The following TNFRSF19 variants were observed in gnomAD, a reference collection of about 807,000 sequenced individuals.
The protein encoded by TNFRSF19 is tumor necrosis factor receptor superfamily member 19.
Under a neutral mutation model 46.4 loss-of-function variants are expected in TNFRSF19, and 27 were observed. The observed-to-expected ratio is 0.58, with a 90% confidence interval of 0.43 to 0.80. The LOEUF (loss-of-function observed/expected upper bound fraction) is 0.80, where lower values mean the gene tolerates loss of function less well. Ranked by LOEUF, TNFRSF19 falls within the 30% of genes least tolerant of loss-of-function variation. The pLI is 0.00. For missense variants in TNFRSF19, 511 were observed against 530.8 expected, an observed-to-expected ratio of 0.96 and a Z score of 0.37; for synonymous variants, 204 against 205.0, an observed-to-expected ratio of 1.00 and a Z score of 0.04.
rs143756933 is a variant in TNFRSF19 at position 23,571,540 on chromosome 13, A to T, written c.-35+692A>T. Among the ~76,000 whole-genome samples the T allele has an allele frequency of 8.5e-4, 129 of 152,330 alleles. 2 individuals carry two copies. In the East Asian group the frequency reaches 0.021, roughly 25 times the overall value. On this transcript the variant is annotated intron_variant, in intron 1 of 9. Transcript: ENST00000248484. ...ATAAGCCTTATTTACAGAAACATTC[A>T]CAAGGTTAATATTCCTAAATTAACA...
intron 2 of TNFRSF19, among the ~76,000 whole-genome samples, chr13:23,591,969 C>T (rs1879342169): frequency 6.6e-6 from 1 of 152,056 alleles, no homozygotes; most frequent in Non-Finnish European, 1.5e-5. Flanking sequence ...TCGTGATCTG[C>T]CCACCTGGGC....
chr13:23,584,634 A>G (rs975941301), intron 1 of TNFRSF19, among the ~76,000 whole-genome samples: 40 of 151,948 alleles, frequency 2.6e-4, no homozygotes, highest in Non-Finnish European at 5.0e-4. Context: ...ATTTAAAAAA[A>G]AAAAAAAAAA....
chr13:23,642,062 A>G (rs577089808), intron 5 of TNFRSF19, among the ~76,000 whole-genome samples: 2 of 152,346 alleles, frequency 1.3e-5, no homozygotes, highest in East Asian at 1.9e-4. Flanking sequence ...AAGTCAGCAA[A>G]TCTTAGATTG....
intron 3 of TNFRSF19, among the ~76,000 whole-genome samples, chr13:23,604,431 T>G (rs767351709): frequency 3.3e-5 from 5 of 152,144 alleles, no homozygotes; most frequent in Non-Finnish European, 7.4e-5. Context: ...TCAGTGTTTC[T>G]CAACTTGATT....
intron 1 of TNFRSF19, among the ~76,000 whole-genome samples, chr13:23,579,009 C>G (rs3814789): frequency 0.095 from 14,393 of 152,300 alleles, 716 homozygotes; most frequent in East Asian, 0.17. Flanking sequence ...TCCCCTCTGG[C>G]TGGGATGCGG....
At chr13:23,580,338 AAC>A (rs1345796745) in intron 1 of TNFRSF19, among the ~76,000 whole-genome samples, 1 of 152,220 alleles carries the variant, frequency 6.6e-6, no homozygotes, top group African/African-American at 2.4e-5. Flanking sequence ...TTTTAACTGA[AAC>A]AGTTTAACCC....
At chr13:23,580,008 G>A (rs1009470854) in intron 1 of TNFRSF19, among the ~76,000 whole-genome samples, 1 of 152,190 alleles carries the variant, frequency 6.6e-6, no homozygotes, top group Non-Finnish European at 1.5e-5. Context: ...AGCGGCCCAG[G>A]GTATATTCCT....
chr13:23,610,047 T>C (rs969829328), intron 3 of TNFRSF19, among the ~76,000 whole-genome samples: 1 of 152,246 alleles, frequency 6.6e-6, no homozygotes, highest in South Asian at 2.1e-4. Flanking sequence ...TAATTTGTCA[T>C]TTGCATTTGC....
rs1169728703 is a variant in TNFRSF19 at position 23,675,679 on chromosome 13, C to T, written c.*2299C>T. On this transcript the variant is annotated 3_prime_UTR_variant, in exon 10 of 10. Transcript: ENST00000248484. ...ATCCCATAGCACTCAATAAACTCAGCTGCTAGAGTGCCGATGTCAGGAGGG... is the reference window on the plus strand; with the variant it reads ...ATCCCATAGCACTCAATAAACTCAGTTGCTAGAGTGCCGATGTCAGGAGGG... The T allele has an allele frequency of 6.6e-6, 1 of 152,198 alleles. No homozygotes were observed. The highest frequency in any genetic ancestry group is 2.4e-5 in the African/African-American group (1 of 41,452). The allele number at this position is 152,198 out of a possible 1,614,324, so 9.4% of individuals were successfully genotyped here.
At chr13:23,653,224 C>T (rs1402315137) in intron 5 of TNFRSF19, among the ~76,000 whole-genome samples, 1 of 152,198 alleles carries the variant, frequency 6.6e-6, no homozygotes, top group Non-Finnish European at 1.5e-5. Context: ...AGCTGACCCA[C>T]ACATAACCCA....
chr13:23,598,054 C>G (rs184034316), intron 3 of TNFRSF19, among the ~76,000 whole-genome samples: 3 of 152,224 alleles, frequency 2.0e-5, no homozygotes, highest in Admixed American at 2.0e-4. Context: ...CCCCGTCATG[C>G]TAAAAACTCT....
Position 23,659,158 on chromosome 13 carries a change from T to G in TNFRSF19, c.554T>G (p.Leu185Arg), listed in dbSNP as rs1389201945. The stretch of plus-strand genomic sequence containing the variant: ...GCTCTGGCCACCGTCCTGCTGGCCC[T>G]GCTCATCCTCTGTGTCATCTATTGT... Reference protein sequence around the residue: ...CSALATVLLALLILCVIYCKR... With the variant: ...CSALATVLLARLILCVIYCKR... Residue 185 changes from leucine (L) to arginine (R), a missense_variant, in exon 6 of 10, where the codon CTG becomes CGG. By Grantham distance (102) the Leu-to-Arg change is moderately radical (BLOSUM62 -2). Coordinates refer to ENST00000248484, the MANE Select transcript of TNFRSF19 (RefSeq NM_148957.4). This position sits in a 1 kb window ranked among gnomAD's most constrained non-coding sequence, Gnocchi z 4.9. 6.2e-7 allele frequency: 1 copy of G among 1,614,210 alleles called. No homozygotes were observed.
chr13:23,596,906 C>T (rs914261570), intron 3 of TNFRSF19, among the ~76,000 whole-genome samples: 24 of 152,172 alleles, frequency 1.6e-4, no homozygotes, highest in African/African-American at 2.2e-4. Flanking sequence ...GTCTCTCAGA[C>T]CACAGTGCAA....
rs553593953 is a variant in TNFRSF19, at chr13:23,658,904, A to AG, written c.446-141dup. The AG allele has an allele frequency of 2.3e-4, 221 of 944,310 alleles. No homozygotes were observed. In the South Asian group the frequency reaches 3.2e-3, roughly 14 times the overall value. The allele number at this position is 944,310 out of a possible 1,614,324, so 58.5% of individuals were successfully genotyped here. A position where few individuals can be genotyped will look rare whatever the true frequency, so the allele number is the denominator to read the frequency against. On this transcript the variant is annotated intron_variant, in intron 5 of 9. Transcript: ENST00000248484. ...CCCATTAAAGACATCTTCTGGGTGGAGGGGGTGCTTGAGCCATCTTTAAAT... is the reference window on the plus strand; with the variant it reads ...CCCATTAAAGACATCTTCTGGGTGGAGGGGGGTGCTTGAGCCATCTTTAAAT...
intron 3 of TNFRSF19, among the ~76,000 whole-genome samples, chr13:23,598,462 A>G (rs1398931387): frequency 6.6e-6 from 1 of 152,194 alleles, no homozygotes; most frequent in Non-Finnish European, 1.5e-5. Flanking sequence ...TCTTAAAATG[A>G]ATGTCAGCAT....
chr13:23,640,929 G>T (rs773415083), intron 5 of TNFRSF19, among the ~76,000 whole-genome samples: 1 of 152,146 alleles, frequency 6.6e-6, no homozygotes, highest in South Asian at 2.1e-4. Flanking sequence ...AATATGTGAT[G>T]TTATTGTTTC....
In TNFRSF19 at chr13:23,593,346, C is replaced by A; in HGVS notation, c.71C>A (p.Ser24Ter). ...FTLLVLLGYL[S>*]CKVTCESGDC... ...ATTTTGTTAAATTTTTTTTTTCAGT[C>A]ATGTAAAGTGACTTGTGAATCAGGA... Residue 24 changes from serine (S) to a stop codon, truncating the protein, a stop_gained and splice_region_variant, in exon 3 of 10, where the codon TCA becomes TAA. Coordinates refer to ENST00000248484, the MANE Select transcript of TNFRSF19 (RefSeq NM_148957.4). LOFTEE classifies it high-confidence loss of function. The A allele has an allele frequency of 6.5e-7, 1 of 1,550,034 alleles. No homozygotes were observed. Among genetic ancestry groups the A allele is most frequent in the South Asian group, 1.3e-5 (1 of 79,732 alleles).
intron 7 of TNFRSF19, among the ~76,000 whole-genome samples, chr13:23,666,848 C>T (rs1015912134): frequency 2.6e-5 from 4 of 152,072 alleles, no homozygotes; most frequent in South Asian, 4.1e-4. Context: ...CTGTTTCTCA[C>T]GGGCTTGCAA....
intron 5 of TNFRSF19, among the ~76,000 whole-genome samples, chr13:23,657,572 TAGAG>T (rs1884062271): frequency 6.6e-6 from 1 of 152,204 alleles, no homozygotes. Flanking sequence ...TAATACAAAA[TAGAG>T]AACGCAAAAT....
Sources: allele counts gnomAD v4.1 joint callset (sites outside exome capture counted in the v4.1 genomes callset), GRCh38; gene constraint gnomAD v4.1.1; non-coding constraint Gnocchi (gnomAD v3.1); transcripts MANE v1.5; gene names NCBI Gene and HGNC (gene_info 2026-07-23, HGNC 2026-07-21).